Variants in CELF2 observed in about 807,000 individuals in gnomAD.
The protein encoded by CELF2 is CUGBP Elav-like family member 2.
Under a neutral mutation model 62.6 loss-of-function variants are expected in CELF2, and 8 were observed. The observed-to-expected ratio is 0.13, with a 90% CI of 0.07 to 0.23. The LOEUF is 0.23. Among genes scored for constraint, CELF2 ranks in the 10% least tolerant of loss-of-function variants. The pLI is 1.00. For missense variants in CELF2, 333 were observed against 671.0 expected (o/e 0.50, Z 5.56); for synonymous variants, 258 against 250.0 (o/e 1.03, Z -0.30).
intron 1 of CELF2, among the ~76,000 whole-genome samples, chr10:10,812,647 T>C (rs988976895): frequency 2.0e-5 from 3 of 152,190 alleles, no homozygotes; most frequent in Non-Finnish European, 2.9e-5. Flanking sequence ...TAATTTCACC[T>C]GAGAACTTCT....
At chr10:10,623,776 T>C in the CELF2 span, among the ~76,000 whole-genome samples, 1 of 152,342 alleles carries the variant, frequency 6.6e-6, no homozygotes, top group Non-Finnish European at 1.5e-5. Context: ...CTGTTCTAAG[T>C]GCTTTATATA....
intron 2 of CELF2, among the ~76,000 whole-genome samples, chr10:11,188,540 T>C (rs1431694169): frequency 2.6e-5 from 4 of 152,230 alleles, no homozygotes; most frequent in Non-Finnish European, 5.9e-5. Context: ...TGTTTTTTTT[T>C]CCTCAGTCTG....
At chr10:11,263,770 A>G (rs1267394621) in intron 5 of CELF2, among the ~76,000 whole-genome samples, 2 of 152,222 alleles carry the variant, frequency 1.3e-5, no homozygotes, top group Non-Finnish European at 2.9e-5. Context: ...AAAGCCACCC[A>G]TGTGTTTTCA....
intron 7 of CELF2, among the ~76,000 whole-genome samples, chr10:11,274,839 G>A (rs547748696): frequency 2.1e-5 from 1 of 46,688 alleles, no homozygotes; most frequent in East Asian, 1.6e-3. Context: ...ATTGTTTTAA[G>A]GCAGCAGTGT....
At chr10:10,791,088 T>A in the CELF2 span, among the ~76,000 whole-genome samples, 2 of 152,248 alleles carry the variant, frequency 1.3e-5, no homozygotes, top group Non-Finnish European at 2.9e-5. Flanking sequence ...CTAAATTTTA[T>A]GTATTCATTC....
the CELF2 span, among the ~76,000 whole-genome samples, chr10:10,665,507 G>T: frequency 6.6e-6 from 1 of 151,980 alleles, no homozygotes; most frequent in Non-Finnish European, 1.5e-5. Flanking sequence ...GACCGTGCAG[G>T]GTAGGCTGCC....
chr10:11,111,207 C>G (rs1384166519), intron 1 of CELF2, among the ~76,000 whole-genome samples: 1 of 152,210 alleles, frequency 6.6e-6, no homozygotes, highest in African/African-American at 2.4e-5. Context: ...TCTACATCTT[C>G]TTCCCACTGC....
intron 3 of CELF2, among the ~76,000 whole-genome samples, chr10:11,232,248 T>G (rs1454357768): frequency 1.3e-5 from 2 of 152,046 alleles, no homozygotes; most frequent in Non-Finnish European, 2.9e-5. Context: ...CATTCTCACA[T>G]TCCTGTACTC....
rs75184075 is a variant in CELF2 at position 11,198,229 on chromosome 10, G to A, written c.272-19196G>A. 2.1e-3 allele frequency among the ~76,000 whole-genome samples: 318 copies of A among 152,308 alleles called. 11 individuals are homozygous for A. In the East Asian group the frequency reaches 0.057, roughly 27 times the overall value. ...GTTCCAGCTTATTCTGTTCCGTGTG[G>A]CAGTGTACAATTTCAAAAATAATTA... On this transcript the variant is annotated intron_variant, in intron 2 of 12. Coordinates refer to ENST00000633077, the MANE Select transcript of CELF2 (RefSeq NM_001326342.2).
chr10:11,319,103 G>C lies in CELF2; in HGVS notation c.1097-2086G>C, dbSNP rs376861553. The C allele has an allele frequency of 8.5e-6, 4 of 469,878 alleles. No individual in the cohort carries two copies. The highest frequency in any genetic ancestry group is 1.8e-5 in the Non-Finnish European group (4 of 227,062). The allele number at this position is 469,878 out of a possible 1,614,324, so 29.1% of individuals were successfully genotyped here. A position where few individuals can be genotyped will look rare whatever the true frequency, so the allele number is the denominator to read the frequency against. On this transcript the variant is annotated intron_variant, in intron 10 of 12. Transcript: ENST00000633077. This position sits in a 1 kb window ranked among gnomAD's most constrained non-coding sequence, Gnocchi z 4.4. ...TGCCTTGAGATCCAAGCAGAGCGGC[G>C]AGTCGCCGCTCCTCTCCCGCCAGAA...
rs1373130514 is a variant in CELF2 at position 11,331,910 on chromosome 10, T to C, written c.*2857T>C. ...TTATACTGTCATGATTTGAGTTTGTTTTGGGGTGTTTCCAATTTGGATTTT... is the reference window on the plus strand; with the variant it reads ...TTATACTGTCATGATTTGAGTTTGTCTTGGGGTGTTTCCAATTTGGATTTT... On this transcript the variant is annotated 3_prime_UTR_variant, in exon 13 of 13. Coordinates refer to ENST00000633077, the MANE Select transcript of CELF2 (RefSeq NM_001326342.2). 1 of 152,472 alleles carries C rather than the reference T, an allele frequency of 6.6e-6. No homozygotes were observed. The highest frequency in any genetic ancestry group is 1.5e-5 in the Non-Finnish European group (1 of 68,034). 9.4% of individuals were successfully genotyped at this position (152,472 alleles called of 1,614,324 possible).
At chr10:10,622,078 C>A in the CELF2 span, among the ~76,000 whole-genome samples, 1 of 152,214 alleles carries the variant, frequency 6.6e-6, no homozygotes, top group Non-Finnish European at 1.5e-5. Context: ...AGTAGCCACA[C>A]CTAAGCCTTG....
At chr10:10,631,923 A>T in the CELF2 span, among the ~76,000 whole-genome samples, 1 of 152,200 alleles carries the variant, frequency 6.6e-6, no homozygotes, top group Admixed American at 6.5e-5. Flanking sequence ...GCAAGGCTAC[A>T]TTTTTTGGAG....
At chr10:11,199,030 T>A (rs908768477) in intron 2 of CELF2, among the ~76,000 whole-genome samples, 6 of 152,204 alleles carry the variant, frequency 3.9e-5, no homozygotes, top group Non-Finnish European at 5.9e-5. Context: ...AGTAGTTGAC[T>A]TTCCAGGTAA....
the CELF2 span, among the ~76,000 whole-genome samples, chr10:10,698,039 C>T: frequency 6.6e-6 from 1 of 152,134 alleles, no homozygotes; most frequent in Non-Finnish European, 1.5e-5. Flanking sequence ...GGTGATCCGC[C>T]CACTTCAGCC....
upstream of CELF2, among the ~76,000 whole-genome samples, chr10:10,796,492 C>T (rs1359912278): frequency 6.6e-6 from 1 of 152,196 alleles, no homozygotes; most frequent in Non-Finnish European, 1.5e-5. Flanking sequence ...GTCCTTTTGT[C>T]CTTTGGCCAA....
the CELF2 span, among the ~76,000 whole-genome samples, chr10:10,516,062 C>T: frequency 6.6e-6 from 1 of 152,054 alleles, no homozygotes; most frequent in Non-Finnish European, 1.5e-5. Context: ...GGAAATGATT[C>T]CAAGCAAAGA....
chr10:11,049,647 G>A (rs1361667003), intron 1 of CELF2, among the ~76,000 whole-genome samples: 1 of 148,824 alleles, frequency 6.7e-6, no homozygotes. Flanking sequence ...ACTACCTCAC[G>A]CTTCCGGCAC....
At chr10:11,189,490 G>T (rs1181711046) in intron 2 of CELF2, among the ~76,000 whole-genome samples, 1 of 152,026 alleles carries the variant, frequency 6.6e-6, no homozygotes, top group Non-Finnish European at 1.5e-5. Context: ...TCTCACTGAG[G>T]GTTTTTTTCC....
Sources: allele counts gnomAD v4.1 joint callset (sites outside exome capture counted in the v4.1 genomes callset), GRCh38; gene constraint gnomAD v4.1.1; non-coding constraint Gnocchi (gnomAD v3.1); transcripts MANE v1.5; gene names NCBI Gene and HGNC (gene_info 2026-07-23, HGNC 2026-07-21).